Variants in PRKN observed in about 807,000 individuals in gnomAD.
PRKN encodes E3 ubiquitin-protein ligase parkin.
In PRKN, 56 loss-of-function variants were observed where a neutral mutation model predicts 59.5. The observed-to-expected ratio is 0.94, with a 90% CI of 0.76 to 1.18. The LOEUF is 1.18. PRKN is among the 50% of genes most tolerant of loss of function. The probability of loss-of-function intolerance (pLI) is 0.00; values close to 1 mark genes in which losing one functional copy is unlikely to be tolerated. For missense variants in PRKN, 657 were observed against 596.4 expected (o/e 1.10, Z -1.06); for synonymous variants, 250 against 222.1 (o/e 1.13, Z -1.12).
rs1251426171 is a variant in PRKN, at chr6:161,410,332, A to T, written c.1084-23455T>A. Among the ~76,000 whole-genome samples, 1 of 152,072 alleles carries T rather than the reference A, an allele frequency of 6.6e-6. No individual in the cohort carries two copies. The highest frequency in any genetic ancestry group is 2.4e-5 in the African/African-American group (1 of 41,406). ...GGTGGTTGATGTGAGCGCCATGCTG[A>T]GCCCCGCTCATACCCACTGGGCCCA... On this transcript the variant is annotated intron_variant, in intron 9 of 11. Coordinates refer to ENST00000366898, the MANE Select transcript of PRKN (RefSeq NM_004562.3). This position sits in a 1 kb window ranked among gnomAD's most constrained non-coding sequence, Gnocchi z 5.3.
intron 2 of PRKN, among the ~76,000 whole-genome samples, chr6:162,302,886 T>A (rs1018001860): frequency 6.6e-6 from 1 of 151,754 alleles, no homozygotes; most frequent in South Asian, 2.1e-4. Flanking sequence ...TTCATTATTT[T>A]GGTGCCCTTT....
intron 3 of PRKN, among the ~76,000 whole-genome samples, chr6:162,216,745 C>CA (rs780751173): frequency 1.3e-5 from 2 of 152,030 alleles, no homozygotes; most frequent in Admixed American, 1.3e-4. Context: ...AACAGCCACT[C>CA]ACGGACACAG....
In PRKN at chr6:162,079,451, T is replaced by G. The variant is rs151022285; in HGVS notation, c.535-25277A>C. On this transcript the variant is annotated intron_variant, in intron 4 of 11. Coordinates refer to ENST00000366898, the MANE Select transcript of PRKN (RefSeq NM_004562.3). ...TATTTTGATACATCATACTCCCTTT[T>G]GGATGACTGCAGTAACTTGTCAACT... is the stretch of plus-strand genomic sequence containing the variant. 5.4e-3 allele frequency among the ~76,000 whole-genome samples: 823 copies of G among 152,282 alleles called. 7 individuals carry two copies. Among genetic ancestry groups the G allele is most frequent in the South Asian group, 0.01 (50 of 4,830 alleles).
chr6:162,581,295 T>C (rs975326129), intron 1 of PRKN, among the ~76,000 whole-genome samples: 1 of 152,212 alleles, frequency 6.6e-6, no homozygotes, highest in African/African-American at 2.4e-5. Flanking sequence ...TAACTTAGAA[T>C]GAATAGTAAA....
chr6:162,220,351 A>C (rs1488541862), intron 3 of PRKN, among the ~76,000 whole-genome samples: 1 of 152,208 alleles, frequency 6.6e-6, no homozygotes. Context: ...AACCTGCATA[A>C]TTAAAGAGCT....
chr6:162,496,755 T>C (rs1444784262), intron 1 of PRKN, among the ~76,000 whole-genome samples: 1 of 152,194 alleles, frequency 6.6e-6, no homozygotes, highest in Non-Finnish European at 1.5e-5. Context: ...AAATTAGACA[T>C]AATAAGTGCC....
Position 161,622,622 on chromosome 6 carries a change from G to T in PRKN, c.872-53206C>A, listed in dbSNP as rs143663331. 4.0e-3 allele frequency among the ~76,000 whole-genome samples: 611 copies of T among 152,276 alleles called. 3 individuals carry two copies. The highest frequency in any genetic ancestry group is 6.0e-3 in the Non-Finnish European group (406 of 68,014). ...CATGTGAGCCTGAAAGAGAGGTTCT[G>T]TTCCTCTTCTGTCTCTTATCTGACC... On this transcript the variant is annotated intron_variant, in intron 7 of 11. Transcript: ENST00000366898.
chr6:162,485,989 C>T lies in PRKN; in HGVS notation c.8-42516G>A, dbSNP rs1005917923. Among the ~76,000 whole-genome samples the T allele has an allele frequency of 3.0e-4, 46 of 152,180 alleles. 1 individual carries two copies. Among genetic ancestry groups the T allele is most frequent in the Admixed American group, 2.0e-4 (3 of 15,276 alleles). On this transcript the variant is annotated intron_variant, in intron 1 of 11. Coordinates refer to ENST00000366898, the MANE Select transcript of PRKN (RefSeq NM_004562.3). The stretch of plus-strand genomic sequence containing the variant: ...TATTAAGTTGCATTCACACAAATCG[C>T]TAACAAATTAATATCTGACATTAAG...
At chr6:162,642,145 A>T (rs536771889) in intron 1 of PRKN, among the ~76,000 whole-genome samples, 1 of 152,278 alleles carries the variant, frequency 6.6e-6, no homozygotes, top group South Asian at 2.1e-4. Flanking sequence ...CTTCTATTTC[A>T]TAGACAAAGC....
chr6:161,796,273 C>CCCATTAA (rs1790844504), intron 6 of PRKN, among the ~76,000 whole-genome samples: 1 of 152,062 alleles, frequency 6.6e-6, no homozygotes, highest in Non-Finnish European at 1.5e-5. Flanking sequence ...CCAAACATAA[C>CCCATTAA]CCATTAACTT....
intron 4 of PRKN, among the ~76,000 whole-genome samples, chr6:162,059,692 T>C (rs1778016414): frequency 1.3e-5 from 2 of 152,154 alleles, no homozygotes; most frequent in African/African-American, 4.8e-5. Context: ...GATATCTGAA[T>C]AAAATGTCAC....
chr6:162,443,793 A>T (rs904939469), intron 1 of PRKN, among the ~76,000 whole-genome samples: 1 of 152,110 alleles, frequency 6.6e-6, no homozygotes, highest in African/African-American at 2.4e-5. Flanking sequence ...GAGTCCCATG[A>T]GTTTATTGAA....
At chr6:161,712,439 C>T (rs1055300359) in intron 7 of PRKN, among the ~76,000 whole-genome samples, 3 of 152,124 alleles carry the variant, frequency 2.0e-5, no homozygotes, top group Non-Finnish European at 4.4e-5. Flanking sequence ...TCTATGACAC[C>T]TTTCCATCCA....
Position 162,250,694 on chromosome 6 carries a change from A to G in PRKN, c.412+11831T>C, listed in dbSNP as rs557411102. On this transcript the variant is annotated intron_variant, in intron 3 of 11. Coordinates refer to ENST00000366898, the MANE Select transcript of PRKN (RefSeq NM_004562.3). ...AAGTAGGACTTGCAAAATGGTGAATATCTAATTTCGCAATGCATCTCCAAT... is the reference window on the plus strand; with the variant it reads ...AAGTAGGACTTGCAAAATGGTGAATGTCTAATTTCGCAATGCATCTCCAAT... Among the ~76,000 whole-genome samples the G allele has an allele frequency of 9.8e-5, 15 of 152,362 alleles. No homozygotes were observed. In the South Asian group the frequency reaches 3.1e-3, roughly 32 times the overall value.
intron 9 of PRKN, among the ~76,000 whole-genome samples, chr6:161,439,665 G>A (rs1789101988): frequency 1.3e-5 from 2 of 151,842 alleles, no homozygotes; most frequent in South Asian, 4.1e-4. Context: ...TTGTGCCAAA[G>A]AGCTAGAAGT....
intron 2 of PRKN, among the ~76,000 whole-genome samples, chr6:162,330,908 G>A (rs2128124753): frequency 6.6e-6 from 1 of 152,322 alleles, no homozygotes; most frequent in South Asian, 2.1e-4. Flanking sequence ...CTGAGTGGGT[G>A]GGAGGCAGGT....
chr6:161,618,451 A>G (rs1782773677), intron 7 of PRKN, among the ~76,000 whole-genome samples: 1 of 152,046 alleles, frequency 6.6e-6, no homozygotes, highest in Non-Finnish European at 1.5e-5. Flanking sequence ...TGCTTGCCCA[A>G]ATTTTTCCCC....
chr6:162,483,516 C>T (rs570775985), intron 1 of PRKN, among the ~76,000 whole-genome samples: 3 of 148,532 alleles, frequency 2.0e-5, no homozygotes, highest in East Asian at 2.0e-4. Context: ...GAGGCAGTGG[C>T]GGCAGTGGGG....
chr6:162,498,778 T>C (rs1046601207), intron 1 of PRKN, among the ~76,000 whole-genome samples: 1 of 151,952 alleles, frequency 6.6e-6, no homozygotes, highest in African/African-American at 2.4e-5. Flanking sequence ...ATAATGTGTA[T>C]ATGAGAAAGA....
Sources: allele counts gnomAD v4.1 joint callset (sites outside exome capture counted in the v4.1 genomes callset), GRCh38; gene constraint gnomAD v4.1.1; non-coding constraint Gnocchi (gnomAD v3.1); transcripts MANE v1.5; gene names NCBI Gene and HGNC (gene_info 2026-07-23, HGNC 2026-07-21).